Variants in FBXO16 observed in about 807,000 individuals in gnomAD.
The protein encoded by FBXO16 is F-box only protein 16.
In FBXO16, 31 loss-of-function variants were observed where a neutral mutation model predicts 41.0. The ratio of observed to expected loss-of-function variants is 0.76; its 90% CI spans 0.57 to 1.02. The LOEUF is 1.02. Among genes scored for constraint, FBXO16 ranks in the 50% least tolerant of loss-of-function variants. The probability of loss-of-function intolerance (pLI) is 0.00; values close to 1 mark genes in which losing one functional copy is unlikely to be tolerated. For synonymous variants in FBXO16, 133 were observed against 117.8 expected (o/e 1.13, Z -0.84); for missense variants, 361 against 346.2 (o/e 1.04, Z -0.34).
intron 3 of FBXO16, among the ~76,000 whole-genome samples, chr8:28,464,249 A>G (rs542647107): frequency 1.3e-5 from 2 of 152,338 alleles, no homozygotes; most frequent in African/African-American, 2.4e-5. Context: ...AAAGTATTAC[A>G]AGCAAATATC....
rs185679313 is a variant in FBXO16, at chr8:28,478,714, T to G, written c.99+4634A>C. On this transcript the variant is annotated intron_variant, in intron 2 of 8. Coordinates refer to ENST00000380254, the MANE Select transcript of FBXO16 (RefSeq NM_172366.4). ...GGTGGGTGCCTGCAATCCCAGCTAC[T>G]CAGGAGGCTGAGGCAGGAGAATCGC... 7.8e-3 allele frequency among the ~76,000 whole-genome samples: 1,174 copies of G among 150,682 alleles called. 11 individuals carry two copies. The highest frequency in any genetic ancestry group is 0.011 in the Non-Finnish European group (762 of 67,850).
intron 3 of FBXO16, among the ~76,000 whole-genome samples, chr8:28,470,705 T>G (rs550667387): frequency 4.6e-4 from 70 of 152,370 alleles, no homozygotes; most frequent in Non-Finnish European, 4.4e-4. Flanking sequence ...TTGGTAAAAT[T>G]GAGCATATTT....
At chr8:28,452,953 T>C (rs181938923) in intron 5 of FBXO16, among the ~76,000 whole-genome samples, 388 of 151,816 alleles carry the variant, frequency 2.6e-3, no homozygotes, top group Non-Finnish European at 4.6e-3. Context: ...TCATCATCAT[T>C]GCCATCATCA....
At chr8:28,478,931 T>G (rs759530765) in intron 2 of FBXO16, among the ~76,000 whole-genome samples, 2 of 152,118 alleles carry the variant, frequency 1.3e-5, no homozygotes, top group African/African-American at 4.8e-5. Flanking sequence ...ATCCTCCTAG[T>G]GCTGTCATCA....
rs186242182 is a variant in FBXO16 at position 28,444,682 on chromosome 8, G to A, written c.843+2489C>T. Among the ~76,000 whole-genome samples, 26 of 149,628 alleles carry A rather than the reference G, an allele frequency of 1.7e-4. No homozygotes were observed. In the East Asian group the frequency reaches 1.8e-3, roughly 10 times the overall value. On this transcript the variant is annotated intron_variant, in intron 7 of 8. Transcript: ENST00000380254. ...TTTTTAGTAGAGACGGGATTTCACC[G>A]TGTTAGCCAGGATGGTCTCGATCTC...
intron 3 of FBXO16, among the ~76,000 whole-genome samples, chr8:28,468,779 T>C (rs993271353): frequency 6.7e-6 from 1 of 149,790 alleles, no homozygotes; most frequent in Non-Finnish European, 1.5e-5. Flanking sequence ...GCCCAGGAGG[T>C]AGAGGTTGCA....
intron 5 of FBXO16, among the ~76,000 whole-genome samples, chr8:28,454,192 A>C (rs1380691109): frequency 6.6e-6 from 1 of 151,860 alleles, no homozygotes; most frequent in East Asian, 1.9e-4. Flanking sequence ...ACCTAGAAGC[A>C]GATTAAGAAG....
intron 5 of FBXO16, among the ~76,000 whole-genome samples, chr8:28,453,471 T>C (rs1170053732): frequency 1.3e-5 from 2 of 151,998 alleles, no homozygotes; most frequent in Admixed American, 1.3e-4. Flanking sequence ...AATACTTTGC[T>C]TTAATCTCCA....
At chr8:28,456,953 A>G in intron 4 of FBXO16, 23 bp from the exon 5 acceptor site, 5 of 1,604,898 alleles carry the variant, frequency 3.1e-6, no homozygotes, top group Non-Finnish European at 4.3e-6. Context: ...TTACAATTAA[A>G]CAAAACCAAA....
chr8:28,465,418 T>G (rs1803219880), intron 3 of FBXO16: 1 of 450,470 alleles, frequency 2.2e-6, no homozygotes, highest in Non-Finnish European at 4.5e-6. Context: ...AGCCCAGGAA[T>G]TTGAAACCAG....
Position 28,459,951 on chromosome 8 carries a change from G to A in FBXO16, c.343-3021C>T, listed in dbSNP as rs574799110. On this transcript the variant is annotated intron_variant, in intron 4 of 8. Transcript: ENST00000380254. ...TGAGGCAAGAGAATCTCTTGAACCC[G>A]GGAGGCGGAGGTTGCAGTGAGCCGA... Among the ~76,000 whole-genome samples the A allele has an allele frequency of 3.4e-3, 522 of 151,424 alleles. 3 individuals are homozygous for A. Among genetic ancestry groups the A allele is most frequent in the Non-Finnish European group, 4.7e-3 (319 of 67,868 alleles).
chr8:28,435,463 C>T (rs1013967310), intron 7 of FBXO16, among the ~76,000 whole-genome samples: 1 of 151,966 alleles, frequency 6.6e-6, no homozygotes, highest in Non-Finnish European at 1.5e-5. Context: ...TGTGAGCCAC[C>T]GTGCCTGGCC....
rs961061753 is a variant in FBXO16 at position 28,479,031 on chromosome 8, C to T, written c.99+4317G>A. 5.9e-5 allele frequency among the ~76,000 whole-genome samples: 9 copies of T among 152,208 alleles called. 1 individual carries two copies. The Middle Eastern group carries it at 0.014, about 230-fold the overall frequency. On this transcript the variant is annotated intron_variant, in intron 2 of 8. Transcript: ENST00000380254. ...CCTCCTGCTCCTGCCATGTAAGATG[C>T]CTCCTCCTGCTTTGCCCTCTGCCAC...
At chr8:28,435,055 G>A (rs1802667323) in intron 7 of FBXO16, among the ~76,000 whole-genome samples, 1 of 152,140 alleles carries the variant, frequency 6.6e-6, no homozygotes, top group African/African-American at 2.4e-5. Context: ...CCACTGGTGA[G>A]GGCAAAAGGC....
intron 1 of FBXO16, among the ~76,000 whole-genome samples, chr8:28,485,709 C>T (rs1407452492): frequency 6.6e-6 from 1 of 152,198 alleles, no homozygotes; most frequent in African/African-American, 2.4e-5. Context: ...GCCTCAACAG[C>T]TAACTATCGG....
At chr8:28,475,558 A>T (rs1010703001) in intron 2 of FBXO16, among the ~76,000 whole-genome samples, 16 of 152,214 alleles carry the variant, frequency 1.1e-4, no homozygotes, top group African/African-American at 3.4e-4. Context: ...TCTATCAATC[A>T]TGCATCGCCC....
chr8:28,451,151 G>C (rs1319907255), intron 6 of FBXO16, among the ~76,000 whole-genome samples: 1 of 152,058 alleles, frequency 6.6e-6, no homozygotes, highest in Non-Finnish European at 1.5e-5. Flanking sequence ...CAACAAAGGA[G>C]CTCCACCAGG....
intron 3 of FBXO16, among the ~76,000 whole-genome samples, chr8:28,467,159 G>A (rs186007676): frequency 3.2e-4 from 49 of 152,190 alleles, no homozygotes; most frequent in Admixed American, 1.1e-3. Flanking sequence ...GCTGAGCTAC[G>A]TTGAGACCCA....
chr8:28,489,100 G>A (rs765615053), intron 1 of FBXO16, among the ~76,000 whole-genome samples: 2 of 152,194 alleles, frequency 1.3e-5, no homozygotes, highest in African/African-American at 2.4e-5. Flanking sequence ...GGGAGGCTGA[G>A]GTGGGTGAAT....
Sources: allele counts gnomAD v4.1 joint callset (sites outside exome capture counted in the v4.1 genomes callset), GRCh38; gene constraint gnomAD v4.1.1; transcripts MANE v1.5; gene names NCBI Gene and HGNC (gene_info 2026-07-23, HGNC 2026-07-21).